The following AKAP13 variants were observed in gnomAD, a reference collection of about 807,000 sequenced individuals.
AKAP13 encodes the protein A-kinase anchor protein 13.
In AKAP13, 80 loss-of-function variants were observed where a neutral mutation model predicts 264.5. The observed-to-expected ratio is 0.30, with a 90% confidence interval of 0.25 to 0.36. The LOEUF (loss-of-function observed/expected upper bound fraction) is 0.36, where lower values mean the gene tolerates loss of function less well. Ranked by LOEUF, AKAP13 falls within the 10% of genes least tolerant of loss-of-function variation. AKAP13 has a pLI of 1.00. For synonymous variants in AKAP13, 1,380 were observed against 1,250.2 expected, an observed-to-expected ratio of 1.10 and a Z score of -2.19; for missense variants, 3,712 against 3,435.2, an observed-to-expected ratio of 1.08 and a Z score of -2.01.
chr15:85,485,369 G>T (rs935520998), intron 1 of AKAP13, among the ~76,000 whole-genome samples: 2 of 152,180 alleles, frequency 1.3e-5, no homozygotes, highest in Non-Finnish European at 2.9e-5. Context: ...GAGTTTGAGG[G>T]ACTACGTAAA....
intron 33 of AKAP13, among the ~76,000 whole-genome samples, chr15:85,738,069 C>T (rs528623859): frequency 6.6e-6 from 1 of 152,232 alleles, no homozygotes; most frequent in African/African-American, 2.4e-5. Context: ...TAGCTAGAGT[C>T]GGCAGGTTCT....
chr15:85,712,210 T>TAG (rs2086668030), intron 19 of AKAP13, among the ~76,000 whole-genome samples: 1 of 152,148 alleles, frequency 6.6e-6, no homozygotes, highest in South Asian at 2.1e-4. Flanking sequence ...TATGCCCAGT[T>TAG]TCTCTGAGTA....
At chr15:85,700,050 A>G (rs915065137) in intron 17 of AKAP13, among the ~76,000 whole-genome samples, 1 of 152,192 alleles carries the variant, frequency 6.6e-6, no homozygotes, top group Admixed American at 6.5e-5. Flanking sequence ...AGGCTAAAAG[A>G]AGTTGTCTAA....
intron 1 of AKAP13, among the ~76,000 whole-genome samples, chr15:85,458,501 C>G (rs148464912): frequency 6.9e-4 from 103 of 149,332 alleles, no homozygotes; most frequent in African/African-American, 2.3e-3. Context: ...CCTCTCATAG[C>G]TCTAATTTAT....
chr15:85,659,693 C>T (rs547514714), intron 12 of AKAP13, among the ~76,000 whole-genome samples: 4 of 151,982 alleles, frequency 2.6e-5, no homozygotes, highest in African/African-American at 9.6e-5. Context: ...AGGTGGGAGA[C>T]GACAGATTGC....
At chr15:85,514,307 A>G (rs2076536795) in intron 2 of AKAP13, among the ~76,000 whole-genome samples, 1 of 138,308 alleles carries the variant, frequency 7.2e-6, no homozygotes, top group Non-Finnish European at 1.5e-5. Context: ...CCTATTTGTT[A>G]AAAAAATTGT....
rs190665281 is a variant in AKAP13, at chr15:85,529,529, G to T, written c.182-4055G>T. ...ATGTCTCTAGCGCTAATTTATGATA[G>T]TAAGAGGTTTGGTGTAGGCATACGC... On this transcript the variant is annotated intron_variant, in intron 3 of 36. Coordinates refer to ENST00000394518, the MANE Select transcript of AKAP13 (RefSeq NM_007200.5). Among the ~76,000 whole-genome samples, 565 of 152,340 alleles carry T rather than the reference G, an allele frequency of 3.7e-3. 9 individuals are homozygous for T. The highest frequency in any genetic ancestry group is 0.029 in the Admixed American group (442 of 15,304).
chr15:85,478,682 A>G (rs1401720233), intron 1 of AKAP13, among the ~76,000 whole-genome samples: 1 of 151,336 alleles, frequency 6.6e-6, no homozygotes, highest in Non-Finnish European at 1.5e-5. Context: ...CCTTCATGTC[A>G]TGCCTGCCTC....
chr15:85,598,614 T>C (rs1031742721), intron 8 of AKAP13, among the ~76,000 whole-genome samples: 1 of 152,198 alleles, frequency 6.6e-6, no homozygotes, highest in Admixed American at 6.5e-5. Context: ...TGTACTATTT[T>C]GTATGCTGAA....
chr15:85,500,234 C>G (rs2076004335), intron 2 of AKAP13, among the ~76,000 whole-genome samples: 1 of 152,108 alleles, frequency 6.6e-6, no homozygotes, highest in South Asian at 2.1e-4. Flanking sequence ...AAACCTGGAA[C>G]TGATACTAGG....
chr15:85,640,946 A>G (rs547306595), intron 9 of AKAP13, among the ~76,000 whole-genome samples: 2 of 152,288 alleles, frequency 1.3e-5, no homozygotes, highest in South Asian at 4.1e-4. Context: ...AACCCCAAGC[A>G]TAAGCAATTT....
chr15:85,661,901 T>TG (rs1555456730), intron 12 of AKAP13, among the ~76,000 whole-genome samples: 2 of 75,122 alleles, frequency 2.7e-5, no homozygotes, highest in Non-Finnish European at 5.6e-5. Flanking sequence ...TGGAAACACA[T>TG]GAAAAAAAAA....
intron 3 of AKAP13, among the ~76,000 whole-genome samples, chr15:85,524,875 C>G (rs1040732477): frequency 5.5e-4 from 81 of 147,346 alleles, no homozygotes; most frequent in East Asian, 5.0e-3. Context: ...CCCCATTCCC[C>G]TGTGTGTGTG....
intron 5 of AKAP13, among the ~76,000 whole-genome samples, chr15:85,558,311 G>A (rs2078225386): frequency 6.6e-6 from 1 of 152,136 alleles, no homozygotes; most frequent in Non-Finnish European, 1.5e-5. Context: ...TCTTTATGAG[G>A]ACCTATTTTA....
At position 85,581,529 on chromosome 15, in the gene AKAP13, C is replaced by T; in HGVS notation, c.3461C>T (p.Pro1154Leu). ...GGAGTTGGAACCCCAGAGATGATAC[C>T]TCTTGATTGGGAGAAAGGGAAGCTG... ...PQGVGTPEMIPLDWEKGKLEG... is the reference protein window; with the variant it reads ...PQGVGTPEMILLDWEKGKLEG... The change falls in exon 7 of 37, where the codon CCT becomes CTT. Residue 1154 changes from proline to leucine, a missense_variant. By Grantham distance (98) the Pro-to-Leu change is moderately conservative. Coordinates refer to ENST00000394518, the MANE Select transcript of AKAP13 (RefSeq NM_007200.5). 1 of 1,614,170 alleles carries T rather than the reference C, an allele frequency of 6.2e-7. No individual in the cohort carries two copies. Among genetic ancestry groups the T allele is most frequent in the Non-Finnish European group, 8.5e-7 (1 of 1,180,028 alleles).
At chr15:85,682,279 T>C in intron 15 of AKAP13, 67 bp downstream of exon 15, 2 of 1,483,222 alleles carry the variant, frequency 1.3e-6, no homozygotes, top group Non-Finnish European at 1.9e-6. Context: ...TCTTAGGCCA[T>C]TTAATTACGT....
intron 10 of AKAP13, among the ~76,000 whole-genome samples, chr15:85,650,917 T>G (rs1442175036): frequency 6.6e-6 from 1 of 152,024 alleles, no homozygotes; most frequent in Non-Finnish European, 1.5e-5. Context: ...ATTAAATGGT[T>G]GGCATGTGTT....
chr15:85,426,045 C>G (rs1054424454), intron 1 of AKAP13, among the ~76,000 whole-genome samples: 2 of 152,150 alleles, frequency 1.3e-5, no homozygotes, highest in African/African-American at 4.8e-5. Flanking sequence ...AATACTTGAG[C>G]AATGGCAGTA....
At chr15:85,683,435 G>T (rs7165537) in intron 15 of AKAP13, 20,802 of 152,208 alleles carry the variant, frequency 0.14, 1,871 homozygotes, top group African/African-American at 0.23. Flanking sequence ...CTATATAACG[G>T]ATTGTTTATT....
Sources: gnomAD v4.1 joint callset for allele counts (sites outside exome capture counted in the v4.1 genomes callset) on GRCh38, gnomAD v4.1.1 for gene constraint, MANE v1.5 for transcripts, NCBI Gene and HGNC (gene_info 2026-07-23, HGNC 2026-07-21) for gene names.